The following GNAZ variants were observed in gnomAD, a reference collection of about 807,000 sequenced individuals.
GNAZ encodes guanine nucleotide-binding protein G(z) subunit alpha.
In GNAZ, 3 loss-of-function variants were observed where a neutral mutation model predicts 25.4. The ratio of observed to expected loss-of-function variants is 0.12; its 90% CI spans 0.05 to 0.30. GNAZ has a LOEUF of 0.30. Ranked by LOEUF, GNAZ falls within the 10% of genes least tolerant of loss-of-function variation. The pLI is 1.00. For missense variants in GNAZ, 241 were observed against 501.8 expected, an observed-to-expected ratio of 0.48 and a Z score of 4.97; for synonymous variants, 211 against 205.7, an observed-to-expected ratio of 1.03 and a Z score of -0.22.
chr22:23,103,094 G>A (rs1305834349), intron 2 of GNAZ, among the ~76,000 whole-genome samples: 1 of 152,176 alleles, frequency 6.6e-6, no homozygotes, highest in African/African-American at 2.4e-5. Flanking sequence ...GCTAGTGGTG[G>A]CAGAGCCTCC....
chr22:23,090,046 A>G, intron 1 of GNAZ, among the ~76,000 whole-genome samples: 1 of 152,064 alleles, frequency 6.6e-6, no homozygotes, highest in Admixed American at 6.5e-5. Context: ...CACACCCTTC[A>G]CGCTGCAAAC....
intron 2 of GNAZ, among the ~76,000 whole-genome samples, chr22:23,108,709 C>T (rs949644543): frequency 1.3e-5 from 2 of 152,250 alleles, no homozygotes; most frequent in Admixed American, 1.3e-4. Context: ...CAGCTTCCTG[C>T]CTCATAAGCT....
intron 2 of GNAZ, 63 bp from the exon 3 acceptor site, chr22:23,123,024 A>C: frequency 9.3e-7 from 1 of 1,071,920 alleles, no homozygotes; most frequent in Admixed American, 1.8e-5. Flanking sequence ...GCAGGGCTGC[A>C]GGTCTAGGGT....
intron 1 of GNAZ, among the ~76,000 whole-genome samples, chr22:23,077,697 G>T (rs2068544459): frequency 6.6e-6 from 1 of 152,056 alleles, no homozygotes; most frequent in Non-Finnish European, 1.5e-5. Context: ...GTCTGACCTT[G>T]GCTATGGAGC....
chr22:23,105,413 A>G (rs2069437585), intron 2 of GNAZ, among the ~76,000 whole-genome samples: 1 of 152,216 alleles, frequency 6.6e-6, no homozygotes, highest in Non-Finnish European at 1.5e-5. Context: ...ATCTCTCCCC[A>G]CTACCCCCAG....
intron 2 of GNAZ, among the ~76,000 whole-genome samples, chr22:23,116,442 G>A (rs1360343392): frequency 2.0e-5 from 3 of 152,246 alleles, no homozygotes; most frequent in African/African-American, 7.2e-5. Flanking sequence ...CTTCAGAGCA[G>A]GCCAGTGTCC....
Position 23,124,722 on chromosome 22 carries a change from G to A in GNAZ, c.*1291G>A, listed in dbSNP as rs73878651. ...TGACTCCTGTGAAGGCACAGCCAGC[G>A]TTGTGGCCTGAGGGAGGCCCTGCTG... is the stretch of plus-strand genomic sequence containing the variant. On this transcript the variant is annotated 3_prime_UTR_variant, in exon 3 of 3. Transcript: ENST00000615612. The A allele has an allele frequency of 1.0e-3, 180 of 179,542 alleles. No homozygotes were observed. The highest frequency in any genetic ancestry group is 3.9e-3 in the African/African-American group (166 of 42,042). The allele number at this position is 179,542 out of a possible 1,614,324, so 11.1% of individuals were successfully genotyped here. A position where few individuals can be genotyped will look rare whatever the true frequency, so the allele number is the denominator to read the frequency against.
intron 1 of GNAZ, among the ~76,000 whole-genome samples, chr22:23,074,764 G>A (rs528589711): frequency 6.6e-6 from 1 of 152,300 alleles, no homozygotes; most frequent in East Asian, 1.9e-4. Context: ...CGGGAGGCTG[G>A]AGAAGAGCGG....
At chr22:23,085,970 G>C (rs1601771608) in intron 1 of GNAZ, among the ~76,000 whole-genome samples, 1 of 152,256 alleles carries the variant, frequency 6.6e-6, no homozygotes, top group African/African-American at 2.4e-5. Flanking sequence ...AATCCCCGCT[G>C]TTTAAGCAAC....
chr22:23,117,142 G>A (rs2069864450), intron 2 of GNAZ, among the ~76,000 whole-genome samples: 1 of 152,138 alleles, frequency 6.6e-6, no homozygotes, highest in Non-Finnish European at 1.5e-5. Flanking sequence ...GGCCAGACCT[G>A]TTACCAGGAA....
In GNAZ at chr22:23,096,208, T is replaced by G; in HGVS notation, c.513T>G (p.Thr171=). 1.9e-6 allele frequency: 3 copies of G among 1,613,752 alleles called. No homozygotes were observed. The highest frequency in any genetic ancestry group is 1.7e-6 in the Non-Finnish European group (2 of 1,179,922). The change falls in exon 2 of 3, where the codon ACT becomes ACG. Residue 171 remains threonine (T), a synonymous_variant. Coordinates refer to ENST00000615612, the MANE Select transcript of GNAZ (RefSeq NM_002073.4). ...ERIAAADYIP[T]VEDILRSRDM... ...TCGCCGCAGCTGACTATATCCCCAC[T>G]GTCGAGGACATCCTGCGCTCCCGGG...
chr22:23,096,648 C>T (rs996075550), intron 2 of GNAZ, among the ~76,000 whole-genome samples: 3 of 152,152 alleles, frequency 2.0e-5, no homozygotes, highest in African/African-American at 7.2e-5. Flanking sequence ...GTGGAGGCCA[C>T]AGGGCAAGAG....
chr22:23,099,512 C>T (rs1317756023), intron 2 of GNAZ, among the ~76,000 whole-genome samples: 1 of 152,224 alleles, frequency 6.6e-6, no homozygotes, highest in Non-Finnish European at 1.5e-5. Context: ...CGCACCTGTC[C>T]CCTGAATGAT....
intron 1 of GNAZ, among the ~76,000 whole-genome samples, chr22:23,073,588 C>G (rs2068429446): frequency 6.6e-6 from 1 of 152,244 alleles, no homozygotes; most frequent in Non-Finnish European, 1.5e-5. Context: ...CAGCCCCTGC[C>G]ACACATTTTG....
At chr22:23,121,720 C>CTTTTTT (rs10598505) in intron 2 of GNAZ, among the ~76,000 whole-genome samples, 1 of 123,184 alleles carries the variant, frequency 8.1e-6, no homozygotes, top group Non-Finnish European at 1.7e-5. Context: ...AGAAAAGTTC[C>CTTTTTT]TTTTTTTTTT....
chr22:23,113,985 C>G (rs1484535180), intron 2 of GNAZ, among the ~76,000 whole-genome samples: 1 of 152,246 alleles, frequency 6.6e-6, no homozygotes, highest in Non-Finnish European at 1.5e-5. Flanking sequence ...CAAGGTGTCC[C>G]CAAGCTTCCA....
intron 2 of GNAZ, among the ~76,000 whole-genome samples, chr22:23,099,243 GCAGCACCTCAGAGC>G (rs1281679206): frequency 6.6e-6 from 1 of 152,280 alleles, no homozygotes; most frequent in Non-Finnish European, 1.5e-5. Flanking sequence ...TGAGTGCAGG[GCAGCACCTCAGAGC>G]AGGGAAGGCA....
At chr22:23,118,567 A>G (rs1279748615) in intron 2 of GNAZ, among the ~76,000 whole-genome samples, 2 of 152,144 alleles carry the variant, frequency 1.3e-5, no homozygotes, top group African/African-American at 4.8e-5. Context: ...GTTGGAAAAT[A>G]CCAGGCTCTC....
chr22:23,116,690 G>A lies in GNAZ; in HGVS notation c.724-6397G>A, dbSNP rs748573073. On this transcript the variant is annotated intron_variant, in intron 2 of 2. Coordinates refer to ENST00000615612, the MANE Select transcript of GNAZ (RefSeq NM_002073.4). ...GGTCAGAACGTGTGAGGCCCTGGAT[G>A]AGCCTCTCACCTCCCCACCCCCAGC... Among the ~76,000 whole-genome samples the A allele has an allele frequency of 1.4e-3, 216 of 152,204 alleles. 1 individual carries two copies. Among genetic ancestry groups the A allele is most frequent in the Non-Finnish European group, 2.5e-4 (17 of 68,034 alleles).
Sources: allele counts gnomAD v4.1 joint callset (sites outside exome capture counted in the v4.1 genomes callset), GRCh38; gene constraint gnomAD v4.1.1; transcripts MANE v1.5; gene names NCBI Gene and HGNC (gene_info 2026-07-23, HGNC 2026-07-21).